The following SEMA6D variants were observed in gnomAD, a reference collection of about 807,000 sequenced individuals.
SEMA6D encodes the protein semaphorin 6D, also known as semaphorin-6D.
In SEMA6D, 35 loss-of-function variants were observed where a neutral mutation model predicts 106.6. The observed-to-expected ratio is 0.33, with a 90% CI of 0.25 to 0.44. The LOEUF (loss-of-function observed/expected upper bound fraction) is 0.44, where lower values mean the gene tolerates loss of function less well. SEMA6D is among the 20% of genes least tolerant of loss of function. The pLI is 1.00. For missense variants in SEMA6D, 1,185 were observed against 1,345.9 expected, an observed-to-expected ratio of 0.88 and a Z score of 1.87; for synonymous variants, 499 against 487.7, an observed-to-expected ratio of 1.02 and a Z score of -0.31.
intron 1 of SEMA6D, among the ~76,000 whole-genome samples, chr15:47,252,197 G>A (rs553102968): frequency 5.5e-5 from 8 of 145,594 alleles, no homozygotes; most frequent in South Asian, 4.2e-4. Context: ...GATTACAGGC[G>A]TGCTAATTGG....
intron 1 of SEMA6D, among the ~76,000 whole-genome samples, chr15:47,299,256 C>T (rs2035926679): frequency 6.6e-6 from 1 of 152,194 alleles, no homozygotes; most frequent in African/African-American, 2.4e-5. Flanking sequence ...TTTCAATTTC[C>T]TGTGTTGGTC....
chr15:47,766,587 G>A (rs544603598), intron 15 of SEMA6D, 29 bp from the exon 16 acceptor site: 18 of 1,610,268 alleles, frequency 1.1e-5, no homozygotes, highest in Middle Eastern at 1.6e-4. Context: ...GCTGTTAACC[G>A]AAGACTTCTT....
intron 4 of SEMA6D, among the ~76,000 whole-genome samples, chr15:47,603,685 G>T (rs2076712540): frequency 6.6e-6 from 1 of 151,948 alleles, no homozygotes; most frequent in Non-Finnish European, 1.5e-5. Context: ...AAATTTGAGG[G>T]AATATATATA....
At chr15:47,348,673 T>TCACACA (rs71118173) in intron 1 of SEMA6D, among the ~76,000 whole-genome samples, 1,185 of 104,956 alleles carry the variant, frequency 0.011, 10 homozygotes, top group East Asian at 0.025. Context: ...CAAGAGTACA[T>TCACACA]CACACACACA....
At chr15:47,546,591 A>G (rs1038006908) in intron 3 of SEMA6D, among the ~76,000 whole-genome samples, 8 of 152,130 alleles carry the variant, frequency 5.3e-5, no homozygotes, top group African/African-American at 1.9e-4. Context: ...GTCTCAATGT[A>G]GATGACCTAG....
chr15:47,400,318 C>G (rs2040357408), intron 1 of SEMA6D, among the ~76,000 whole-genome samples: 1 of 151,960 alleles, frequency 6.6e-6, no homozygotes, highest in African/African-American at 2.4e-5. Context: ...GACAAACTCC[C>G]TTGTCTACTA....
chr15:47,766,487 G>T, intron 15 of SEMA6D, 129 bp from the exon 16 acceptor site: 3 of 777,440 alleles, frequency 3.9e-6, no homozygotes, highest in South Asian at 1.8e-5. Context: ...ATGTTAAAAT[G>T]TTGTTTTTTT....
chr15:47,436,101 G>T (rs1567077946), intron 2 of SEMA6D, among the ~76,000 whole-genome samples: 1 of 152,052 alleles, frequency 6.6e-6, no homozygotes, highest in Admixed American at 6.6e-5. Flanking sequence ...TTAAAAATTT[G>T]ACTTTGGGCC....
At chr15:47,338,789 C>T (rs1389253285) in intron 1 of SEMA6D, among the ~76,000 whole-genome samples, 1 of 152,128 alleles carries the variant, frequency 6.6e-6, no homozygotes, top group Non-Finnish European at 1.5e-5. Flanking sequence ...GTTTCTGGGG[C>T]ACTTTAGGCC....
At chr15:47,302,346 A>T (rs769837193) in intron 1 of SEMA6D, among the ~76,000 whole-genome samples, 1 of 152,230 alleles carries the variant, frequency 6.6e-6, no homozygotes, top group Non-Finnish European at 1.5e-5. Context: ...GCAGTGACTA[A>T]TGCAAACTTT....
chr15:47,605,115 G>A (rs1404160191), intron 4 of SEMA6D, among the ~76,000 whole-genome samples: 3 of 152,126 alleles, frequency 2.0e-5, no homozygotes, highest in Non-Finnish European at 4.4e-5. Flanking sequence ...ATCTGAGAGT[G>A]GTTTTGTGCA....
At position 47,693,080 on chromosome 15, in the gene SEMA6D, C is replaced by G. The variant is rs114946827; in HGVS notation, c.-54-66665C>G. On this transcript the variant is annotated intron_variant, in intron 4 of 19. Coordinates refer to the SEMA6D transcript ENST00000558014. ...AACTCTCGGTACTTCAGAGTGTGAC[C>G]TTATTTGGAGATAAGGTCCCTACAG... Among the ~76,000 whole-genome samples the G allele has an allele frequency of 5.7e-3, 867 of 152,200 alleles. 9 individuals are homozygous for G. Among genetic ancestry groups the G allele is most frequent in the African/African-American group, 0.02 (847 of 41,518 alleles).
At chr15:47,557,882 T>C (rs2045961191) in intron 3 of SEMA6D, among the ~76,000 whole-genome samples, 1 of 152,136 alleles carries the variant, frequency 6.6e-6, no homozygotes, top group African/African-American at 2.4e-5. Context: ...GTACTGTTGG[T>C]GGCAAAAGGA....
chr15:47,222,503 T>A (rs1345101699), intron 1 of SEMA6D, among the ~76,000 whole-genome samples: 1 of 152,186 alleles, frequency 6.6e-6, no homozygotes, highest in Non-Finnish European at 1.5e-5. Context: ...TCATAAACCG[T>A]CTGTGTTTAT....
intron 1 of SEMA6D, among the ~76,000 whole-genome samples, chr15:47,755,775 T>C (rs985575559): frequency 2.6e-4 from 40 of 151,492 alleles, no homozygotes; most frequent in African/African-American, 9.7e-4. Flanking sequence ...AGCTATACTC[T>C]CATTTTTATA....
chr15:47,317,214 T>G (rs2036718257), intron 1 of SEMA6D, among the ~76,000 whole-genome samples: 1 of 152,176 alleles, frequency 6.6e-6, no homozygotes, highest in African/African-American at 2.4e-5. Context: ...ATAGTATTCC[T>G]TTATTATTCT....
Position 47,730,336 on chromosome 15 carries a change from C to T in SEMA6D, c.-55+12644C>T, listed in dbSNP as rs558120603. 8 of 1,469,692 alleles carry T rather than the reference C, an allele frequency of 5.4e-6. No homozygotes were observed. In the East Asian group the frequency reaches 1.8e-4, roughly 33 times the overall value. The allele number at this position is 1,469,692 out of a possible 1,614,324, so 91.0% of individuals were successfully genotyped here. A position where few individuals can be genotyped will look rare whatever the true frequency, so the allele number is the denominator to read the frequency against. On this transcript the variant is annotated intron_variant, in intron 1 of 18. Coordinates refer to ENST00000536845, the MANE Select transcript of SEMA6D (RefSeq NM_001358351.3). ...CTTCCGAGTTCACCTGTGTGAAGGC[C>T]ACAGTGGTGCAGGTCTTCCTGTGGA...
At chr15:47,550,107 G>A (rs1668808667) in intron 3 of SEMA6D, among the ~76,000 whole-genome samples, 1 of 152,124 alleles carries the variant, frequency 6.6e-6, no homozygotes, top group Non-Finnish European at 1.5e-5. Context: ...CTTTCAAGAG[G>A]TTTTACTTTT....
chr15:47,393,980 A>G (rs1035298583), intron 1 of SEMA6D, among the ~76,000 whole-genome samples: 23 of 152,148 alleles, frequency 1.5e-4, no homozygotes, highest in Non-Finnish European at 7.4e-5. Context: ...CAAATTTCTT[A>G]AAGTCTTTTA....
Sources: allele counts gnomAD v4.1 joint callset (sites outside exome capture counted in the v4.1 genomes callset), GRCh38; gene constraint gnomAD v4.1.1; transcripts MANE v1.5; gene names NCBI Gene and HGNC (gene_info 2026-07-23, HGNC 2026-07-21).